Variants in OSER1 observed in about 807,000 individuals in gnomAD.
OSER1 encodes the protein oxidative stress responsive serine rich 1, also known as oxidative stress-responsive serine-rich protein 1.
In OSER1, 15 loss-of-function variants were observed where a neutral mutation model predicts 26.3. That is an observed-to-expected ratio of 0.57 (90% CI 0.38 to 0.88). The LOEUF (loss-of-function observed/expected upper bound fraction) is 0.88, where lower values mean the gene tolerates loss of function less well. OSER1 is among the 40% of genes least tolerant of loss of function. The pLI is 0.00. For synonymous variants in OSER1, 127 were observed against 128.2 expected, an observed-to-expected ratio of 0.99 and a Z score of 0.07; for missense variants, 313 against 353.9, an observed-to-expected ratio of 0.88 and a Z score of 0.93.
At chr20:44,197,953 G>C (rs149131499) in intron 3 of OSER1, among the ~76,000 whole-genome samples, 1 of 152,246 alleles carries the variant, frequency 6.6e-6, no homozygotes, top group Non-Finnish European at 1.5e-5. Flanking sequence ...TATAGAACGA[G>C]GTGAGATAAT....
At chr20:44,201,874 A>G (rs2072985558) in intron 3 of OSER1, among the ~76,000 whole-genome samples, 1 of 152,226 alleles carries the variant, frequency 6.6e-6, no homozygotes, top group Non-Finnish European at 1.5e-5. Flanking sequence ...GAGGAGAGGT[A>G]AGGTGGGAAA....
Position 44,197,509 on chromosome 20 carries a change from T to A in OSER1, c.422A>T (p.Asn141Ile). ...AGESSTSLDA[N>I]HTGAVVEPLR... ...AGGCTCAACGACTGCCCCTGTGTGA[T>A]TAGCATCGAGAGAAGTAGAGCTTTC... Residue 141 changes from asparagine to isoleucine, a missense_variant, in exon 4 of 4, where the codon AAT (asparagine) becomes ATT (isoleucine). This residue lies in a region of OSER1 where 300 missense variants were observed against 318.3 expected (regional missense o/e 0.94). Coordinates refer to ENST00000255174, the MANE Select transcript of OSER1 (RefSeq NM_016470.8). 6.2e-7 allele frequency: 1 copy of A among 1,614,182 alleles called. No individual in the cohort carries two copies. The highest frequency in any genetic ancestry group is 8.5e-7 in the Non-Finnish European group (1 of 1,180,006).
chr20:44,201,403 G>A (rs6073366), intron 3 of OSER1, among the ~76,000 whole-genome samples: 14,342 of 152,044 alleles, frequency 0.094, 846 homozygotes, highest in Middle Eastern at 0.18. Context: ...ATTTAACATC[G>A]GGGGCCCTTT....
chr20:44,210,959 C>T (rs2073100975), upstream of OSER1: 1 of 152,290 alleles, frequency 6.6e-6, no homozygotes. Flanking sequence ...CACCCGCCCC[C>T]CTCAGAAGCA....
In OSER1 at chr20:44,208,422, T is replaced by TAAAAAAAAAA. The variant is rs3037689; in HGVS notation, c.-41-1434_-41-1425dup. ...AACAGTCTCAAAAGAATTCAGCTACTAAAAAAAAAAAAAAAAATTCAGCCA... is the reference window on the plus strand; with the variant it reads ...AACAGTCTCAAAAGAATTCAGCTACTAAAAAAAAAAAAAAAAAAAAAAAAAAATTCAGCCA... On this transcript the variant is annotated intron_variant, in intron 1 of 3. Transcript: ENST00000255174. 1.5e-5 allele frequency among the ~76,000 whole-genome samples: 2 copies of TAAAAAAAAAA among 131,402 alleles called. 1 individual carries two copies. The highest frequency in any genetic ancestry group is 4.3e-4 in the East Asian group (2 of 4,654). The allele number at this position is 131,402 out of a possible 152,430, so 86.2% of individuals were successfully genotyped here. A position where few individuals can be genotyped will look rare whatever the true frequency, so the allele number is the denominator to read the frequency against.
chr20:44,203,695 C>CACACAT (rs2073008699), intron 2 of OSER1, among the ~76,000 whole-genome samples: 2 of 11,042 alleles, frequency 1.8e-4, no homozygotes, highest in Admixed American at 2.5e-3. Context: ...AGACTTTTTT[C>CACACAT]ACACACACAC....
chr20:44,211,456 G>T (rs1407418661), upstream of OSER1: 1 of 152,222 alleles, frequency 6.6e-6, no homozygotes, highest in Non-Finnish European at 1.5e-5. Flanking sequence ...TGAGGCAACT[G>T]CTTTTCCTCC....
chr20:44,206,198 T>C (rs570159805), intron 2 of OSER1, among the ~76,000 whole-genome samples: 2 of 152,324 alleles, frequency 1.3e-5, no homozygotes, highest in South Asian at 4.1e-4. Flanking sequence ...GATTATTACT[T>C]GTGGGTGTTC....
chr20:44,203,695 C>A (rs6031451), intron 2 of OSER1, among the ~76,000 whole-genome samples: 998 of 11,014 alleles, frequency 0.091, 10 homozygotes, highest in East Asian at 0.51. Flanking sequence ...AGACTTTTTT[C>A]ACACACACAC....
rs1319254806 is a variant in OSER1, at chr20:44,196,184, A to G, written c.*868T>C. Among the ~76,000 whole-genome samples, 7 of 151,922 alleles carry G rather than the reference A, an allele frequency of 4.6e-5. 1 individual carries two copies. The South Asian group carries it at 1.0e-3, about 23-fold the overall frequency. ...ATGGCTGACCAAATCTGTGGGATAC[A>G]GAATGTACAAAATTCTCTTTTAGGG... On this transcript the variant is annotated 3_prime_UTR_variant, in exon 4 of 4. Transcript: ENST00000255174.
intron 2 of OSER1, among the ~76,000 whole-genome samples, chr20:44,206,027 G>A (rs1009968245): frequency 2.0e-5 from 3 of 150,806 alleles, no homozygotes; most frequent in Admixed American, 6.6e-5. Context: ...TCCTACCAAT[G>A]TGACTTTTAG....
chr20:44,196,655 C>T lies in OSER1; in HGVS notation c.*397G>A, dbSNP rs142072453. 21 of 173,814 alleles carry T rather than the reference C, an allele frequency of 1.2e-4. No individual in the cohort carries two copies. The East Asian group carries it at 3.1e-3, about 26-fold the overall frequency. 10.8% of individuals were successfully genotyped at this position (173,814 alleles called of 1,614,324 possible). A position where few individuals can be genotyped will look rare whatever the true frequency, so the allele number is the denominator to read the frequency against. On this transcript the variant is annotated 3_prime_UTR_variant, in exon 4 of 4. Coordinates refer to ENST00000255174, the MANE Select transcript of OSER1 (RefSeq NM_016470.8). ...TTCTAATATTCTGGGCTGGCAACTA[C>T]AGCATGACAAATGTTTAGTGCAGTT...
intron 3 of OSER1, 64 bp from the exon 4 acceptor site, chr20:44,197,803 T>C: frequency 1.8e-6 from 2 of 1,098,886 alleles, no homozygotes; most frequent in Non-Finnish European, 2.6e-6. Flanking sequence ...ACAGATTCTT[T>C]ATGACAGTAG....
chr20:44,209,716 G>A (rs2073078424), intron 1 of OSER1, among the ~76,000 whole-genome samples: 1 of 152,088 alleles, frequency 6.6e-6, no homozygotes, highest in African/African-American at 2.4e-5. Flanking sequence ...CCAAATTCCT[G>A]GTTTTTTCTT....
At chr20:44,210,546 G>C (rs892153767) in intron 1 of OSER1, 150 bp downstream of exon 1, 2 of 152,468 alleles carry the variant, frequency 1.3e-5, no homozygotes, top group Non-Finnish European at 2.9e-5. Flanking sequence ...AAGGGGGCGC[G>C]GAGAGGCCCA....
intron 1 of OSER1, among the ~76,000 whole-genome samples, chr20:44,210,251 T>C (rs1000611942): frequency 2.0e-5 from 3 of 151,976 alleles, no homozygotes; most frequent in African/African-American, 4.8e-5. Context: ...CCTCGGGAGA[T>C]TCCTGGGGTC....
At chr20:44,203,167 C>T (rs2145929079) in intron 2 of OSER1, 93 bp from the exon 3 acceptor site, 8 of 610,440 alleles carry the variant, frequency 1.3e-5, no homozygotes, top group Middle Eastern at 2.7e-4. Flanking sequence ...TTTATCAATA[C>T]ATTTTTTTTT....
At chr20:44,199,334 T>C (rs767036074) in intron 3 of OSER1, among the ~76,000 whole-genome samples, 1 of 152,182 alleles carries the variant, frequency 6.6e-6, no homozygotes, top group African/African-American at 2.4e-5. Flanking sequence ...GGCTCTGTTA[T>C]AAAAGCCGGT....
At chr20:44,199,009 T>G (rs1242926969) in intron 3 of OSER1, among the ~76,000 whole-genome samples, 1 of 152,218 alleles carries the variant, frequency 6.6e-6, no homozygotes, top group Non-Finnish European at 1.5e-5. Context: ...ATCTTGGTTA[T>G]TAGATCAACT....
Sources: gnomAD v4.1 joint callset for allele counts (sites outside exome capture counted in the v4.1 genomes callset) on GRCh38, gnomAD v4.1.1 for gene constraint, gnomAD v4.1.1 regional missense constraint, MANE v1.5 for transcripts, NCBI Gene and HGNC (gene_info 2026-07-23, HGNC 2026-07-21) for gene names.